The following LUC7L3 variants were observed in gnomAD, a reference collection of about 807,000 sequenced individuals.
The protein encoded by LUC7L3 is LUC7 like 3 pre-mRNA splicing factor.
LUC7L3 carries 6 observed loss-of-function variants against 66.8 expected under a neutral mutation model. The observed-to-expected ratio is 0.09, with a 90% confidence interval of 0.05 to 0.18. The LOEUF is 0.18. Among genes scored for constraint, LUC7L3 ranks in the 10% least tolerant of loss-of-function variants. LUC7L3 has a pLI of 1.00. For missense variants in LUC7L3, 341 were observed against 531.1 expected, an observed-to-expected ratio of 0.64 and a Z score of 3.52; for synonymous variants, 160 against 174.7, an observed-to-expected ratio of 0.92 and a Z score of 0.66.
In LUC7L3 at chr17:50,746,000, G is replaced by C; in HGVS notation, c.974G>C (p.Ser325Thr). The C allele has an allele frequency of 6.3e-7, 1 of 1,597,654 alleles. No individual in the cohort carries two copies. ...TCACGAAGTAGAGAAAGAAGGCGGA[G>C]CAGGTATATATAAAACACCCTAAGA... ...KRSRSRERRRSRSRDRRRSRS... is the reference protein window; with the variant it reads ...KRSRSRERRRTRSRDRRRSRS... Residue 325 changes from serine to threonine, a missense_variant, in exon 8 of 10, where the codon AGC becomes ACC. Around this residue, in one of 6 missense-constraint regions of LUC7L3, gnomAD observed 210 missense variants for 238.1 expected, o/e 0.88. Transcript: ENST00000505658.
intron 5 of LUC7L3, among the ~76,000 whole-genome samples, chr17:50,741,944 C>T (rs1018466055): frequency 6.6e-6 from 1 of 152,102 alleles, no homozygotes; most frequent in Non-Finnish European, 1.5e-5. Flanking sequence ...GGTGCAATGG[C>T]GTGTACCTGT....
chr17:50,752,113 G>GT lies in LUC7L3; in HGVS notation c.*1454dup. On this transcript the variant is annotated 3_prime_UTR_variant, in exon 10 of 10. Transcript: ENST00000505658. ...TTCCATGTACACATGTTAATTAGCA[G>GT]TTAGTGACTGGGCCAACACTTTCTC... 7.9e-7 allele frequency: 1 copy of GT among 1,262,230 alleles called. No individual in the cohort carries two copies. The highest frequency in any genetic ancestry group is 1.0e-6 in the Non-Finnish European group (1 of 977,496). 78.2% of individuals were successfully genotyped at this position (1,262,230 alleles called of 1,614,324 possible).
intron 1 of LUC7L3, among the ~76,000 whole-genome samples, chr17:50,732,455 C>T (rs1969669134): frequency 6.6e-6 from 1 of 152,172 alleles, no homozygotes. Context: ...GATCACCACT[C>T]ACTGCAGCCT....
chr17:50,727,827 C>G (rs28379483), intron 1 of LUC7L3, among the ~76,000 whole-genome samples: 1 of 151,910 alleles, frequency 6.6e-6, no homozygotes, highest in Admixed American at 6.6e-5. Context: ...TTTTATAGGC[C>G]GGGCGTGGTG....
At chr17:50,733,695 C>T (rs1969791652) in intron 1 of LUC7L3, among the ~76,000 whole-genome samples, 2 of 152,152 alleles carry the variant, frequency 1.3e-5, no homozygotes, top group Non-Finnish European at 2.9e-5. Context: ...AGCCAGTTCA[C>T]AGTAATAGTA....
At chr17:50,746,740 T>C (rs753817365) in intron 9 of LUC7L3, 38 bp downstream of exon 9, 11 of 1,580,478 alleles carry the variant, frequency 7.0e-6, no homozygotes, top group Non-Finnish European at 9.5e-6. Context: ...TAAGAAACTT[T>C]TCACACCCTA....
In LUC7L3 at chr17:50,745,182, G is replaced by A. The variant is rs574687971; in HGVS notation, c.693+369G>A. ...TTTTTGTATTTTTTTTAATAGAGAC[G>A]GGGTTTTTTCCTGTTGGCCAGGCTG... is the stretch of plus-strand genomic sequence containing the variant. On this transcript the variant is annotated intron_variant, in intron 7 of 9. Coordinates refer to ENST00000505658, the MANE Select transcript of LUC7L3 (RefSeq NM_016424.5). Among the ~76,000 whole-genome samples the A allele has an allele frequency of 3.9e-5, 6 of 152,000 alleles. No homozygotes were observed. The East Asian group carries it at 7.7e-4, about 20-fold the overall frequency.
intron 7 of LUC7L3, among the ~76,000 whole-genome samples, chr17:50,745,081 T>TG (rs1419639572): frequency 1.3e-5 from 2 of 151,952 alleles, no homozygotes; most frequent in African/African-American, 4.8e-5. Context: ...CCTCCACCTC[T>TG]GGGGTTCAAG....
chr17:50,731,724 G>C (rs1327347088), intron 1 of LUC7L3, among the ~76,000 whole-genome samples: 1 of 152,160 alleles, frequency 6.6e-6, no homozygotes, highest in Non-Finnish European at 1.5e-5. Flanking sequence ...ATCTAGTCTG[G>C]ATTCTGTAGA....
At chr17:50,729,656 G>C (rs1013310201) in intron 1 of LUC7L3, among the ~76,000 whole-genome samples, 8 of 151,958 alleles carry the variant, frequency 5.3e-5, no homozygotes, top group African/African-American at 1.7e-4. Flanking sequence ...AAGGAAACCA[G>C]AGTACTGGGA....
intron 1 of LUC7L3, among the ~76,000 whole-genome samples, chr17:50,730,459 G>A (rs1969511671): frequency 7.5e-6 from 1 of 132,660 alleles, no homozygotes; most frequent in Non-Finnish European, 1.5e-5. Flanking sequence ...TAGAGGTAGT[G>A]AGCCAAGATC....
At chr17:50,729,555 C>A (rs1969425252) in intron 1 of LUC7L3, among the ~76,000 whole-genome samples, 1 of 152,072 alleles carries the variant, frequency 6.6e-6, no homozygotes, top group African/African-American at 2.4e-5. Flanking sequence ...AAGATCCCCT[C>A]CCATCACAGG....
Position 50,750,975 on chromosome 17 carries a change from G to C in LUC7L3, c.*314G>C. On this transcript the variant is annotated 3_prime_UTR_variant, in exon 10 of 10. Transcript: ENST00000505658. ...TGAAAAGTTAATTATCCTTTTTTTA[G>C]GGATTTTGATGTCATTTCTTTTTTT... 1 of 1,473,152 alleles carries C rather than the reference G, an allele frequency of 6.8e-7. No homozygotes were observed. The allele number at this position is 1,473,152 out of a possible 1,614,324, so 91.3% of individuals were successfully genotyped here. A position where few individuals can be genotyped will look rare whatever the true frequency, so the allele number is the denominator to read the frequency against.
At position 50,755,513 on chromosome 17, in the gene LUC7L3, ATTG is replaced by A. The variant is rs770353445; in HGVS notation, c.*4857_*4859del. 1.3e-4 allele frequency: 20 copies of A among 152,212 alleles called. No homozygotes were observed. The highest frequency in any genetic ancestry group is 2.8e-4 in the Non-Finnish European group (19 of 68,034). The allele number at this position is 152,212 out of a possible 1,614,324, so 9.4% of individuals were successfully genotyped here. A position where few individuals can be genotyped will look rare whatever the true frequency, so the allele number is the denominator to read the frequency against. On this transcript the variant is annotated 3_prime_UTR_variant, in exon 10 of 10. Transcript: ENST00000505658. Reference sequence around the variant, plus strand: ...AAGCAGAGAAGTAAATGTATTTTTCATTGTTGTATCAGAATTTTGAATTTACTA... The same window carrying A: ...AAGCAGAGAAGTAAATGTATTTTTCATTGTATCAGAATTTTGAATTTACTA...
Position 50,721,343 on chromosome 17 carries a change from C to G in LUC7L3, c.99+1512C>G, listed in dbSNP as rs199887028. Among the ~76,000 whole-genome samples, 7 of 152,264 alleles carry G rather than the reference C, an allele frequency of 4.6e-5. No individual in the cohort carries two copies. In the East Asian group the frequency reaches 1.4e-3, roughly 29 times the overall value. ...GAACACGTTTTAGAGAAACTGTTTTCTTTCCCGGGGTAATTTGTTGCCACA... is the reference window on the plus strand; with the variant it reads ...GAACACGTTTTAGAGAAACTGTTTTGTTTCCCGGGGTAATTTGTTGCCACA... On this transcript the variant is annotated intron_variant, in intron 1 of 9. Coordinates refer to ENST00000505658, the MANE Select transcript of LUC7L3 (RefSeq NM_016424.5).
Position 50,756,082 on chromosome 17 carries a change from G to A in LUC7L3, c.*5421G>A, listed in dbSNP as rs1020348025. The A allele has an allele frequency of 2.0e-5, 3 of 152,126 alleles. No individual in the cohort carries two copies. In the East Asian group the frequency reaches 5.8e-4, roughly 29 times the overall value. The allele number at this position is 152,126 out of a possible 1,614,324, so 9.4% of individuals were successfully genotyped here. A position where few individuals can be genotyped will look rare whatever the true frequency, so the allele number is the denominator to read the frequency against. Reference sequence around the variant, plus strand: ...TGATGGAGGGAGAGGTGATCATGAGGGCACAGGGGTCTTCAGAAGAACTGG... The same window carrying A: ...TGATGGAGGGAGAGGTGATCATGAGAGCACAGGGGTCTTCAGAAGAACTGG... On this transcript the variant is annotated 3_prime_UTR_variant, in exon 10 of 10. Transcript: ENST00000505658.
intron 1 of LUC7L3, 115 bp downstream of exon 1, chr17:50,719,946 C>A: frequency 1.1e-6 from 1 of 894,642 alleles, no homozygotes; most frequent in Non-Finnish European, 1.6e-6. Context: ...CGGGGTCGAG[C>A]GTCTGACCCG....
At chr17:50,745,274 G>C (rs545493078) in intron 7 of LUC7L3, among the ~76,000 whole-genome samples, 1 of 151,912 alleles carries the variant, frequency 6.6e-6, no homozygotes, top group Non-Finnish European at 1.5e-5. Flanking sequence ...CACTGCGCTC[G>C]GCCAGCGTAA....
At chr17:50,739,529 C>T (rs145735814) in intron 2 of LUC7L3, among the ~76,000 whole-genome samples, 3 of 152,264 alleles carry the variant, frequency 2.0e-5, no homozygotes, top group East Asian at 3.9e-4. Context: ...TGGTGGGTGC[C>T]TGTAATCCTA....
Sources: allele counts gnomAD v4.1 joint callset (sites outside exome capture counted in the v4.1 genomes callset), GRCh38; gene constraint gnomAD v4.1.1; regional missense constraint gnomAD v4.1.1; transcripts MANE v1.5; gene names NCBI Gene and HGNC (gene_info 2026-07-23, HGNC 2026-07-21).